The following HCN1 variants were observed in gnomAD, a reference collection of about 807,000 sequenced individuals.
HCN1 encodes the protein potassium/sodium hyperpolarization-activated cyclic nucleotide-gated channel 1.
Under a neutral mutation model 78.9 loss-of-function variants are expected in HCN1, and 13 were observed. The ratio of observed to expected loss-of-function variants is 0.16; its 90% CI spans 0.11 to 0.26. HCN1 has a LOEUF of 0.26. HCN1 is among the 10% of genes least tolerant of loss of function. The pLI is 1.00. For missense variants in HCN1, 810 were observed against 1,154.3 expected, an observed-to-expected ratio of 0.70 and a Z score of 4.32; for synonymous variants, 552 against 455.5, an observed-to-expected ratio of 1.21 and a Z score of -2.70.
chr5:45,573,511 C>A (rs557752976), intron 2 of HCN1, among the ~76,000 whole-genome samples: 26 of 152,110 alleles, frequency 1.7e-4, no homozygotes, highest in African/African-American at 5.8e-4. Context: ...GTAACACTAT[C>A]CTTTTCTTAC....
chr5:45,668,917 C>A (rs965874664), intron 1 of HCN1, among the ~76,000 whole-genome samples: 1 of 151,744 alleles, frequency 6.6e-6, no homozygotes, highest in South Asian at 2.1e-4. Context: ...AAAGCAAATT[C>A]TTTGGTGTTG....
At chr5:45,432,676 GA>G (rs1740486243) in intron 3 of HCN1, among the ~76,000 whole-genome samples, 1 of 152,088 alleles carries the variant, frequency 6.6e-6, no homozygotes, top group African/African-American at 2.4e-5. Flanking sequence ...CTAGTGTGTT[GA>G]GGGCTTTTCA....
chr5:45,642,848 A>G (rs1745480706), intron 2 of HCN1: 1 of 152,150 alleles, frequency 6.6e-6, no homozygotes, highest in Non-Finnish European at 1.5e-5. Flanking sequence ...TAAATTCTGG[A>G]TTATGACTCT....
chr5:45,432,298 G>A (rs993095105), intron 3 of HCN1, among the ~76,000 whole-genome samples: 1 of 152,136 alleles, frequency 6.6e-6, no homozygotes, highest in African/African-American at 2.4e-5. Context: ...CTGAAACTTT[G>A]CTGAAGTTGT....
At chr5:45,420,187 A>G (rs1009036135) in intron 3 of HCN1, among the ~76,000 whole-genome samples, 1 of 152,216 alleles carries the variant, frequency 6.6e-6, no homozygotes, top group Non-Finnish European at 1.5e-5. Flanking sequence ...CTCTAAATAT[A>G]GAAAACATGA....
At position 45,477,654 on chromosome 5, in the gene HCN1, T is replaced by G. The variant is rs577408886; in HGVS notation, c.850-15647A>C. ...TTCTTTGAAAAACAACAATAACATT[T>G]TAGTCAAACATATTTTAAGTTAAAT... On this transcript the variant is annotated intron_variant, in intron 2 of 7. Coordinates refer to ENST00000303230, the MANE Select transcript of HCN1 (RefSeq NM_021072.4). 2.9e-4 allele frequency among the ~76,000 whole-genome samples: 44 copies of G among 152,220 alleles called. No individual in the cohort carries two copies. The East Asian group carries it at 3.1e-3, about 11-fold the overall frequency.
chr5:45,306,770 C>T (rs189204114), intron 5 of HCN1, among the ~76,000 whole-genome samples: 1 of 152,068 alleles, frequency 6.6e-6, no homozygotes, highest in Admixed American at 6.6e-5. Flanking sequence ...TTACTTATGG[C>T]ACTTGTTATA....
chr5:45,479,184 G>A (rs2111670410), intron 2 of HCN1, among the ~76,000 whole-genome samples: 1 of 151,920 alleles, frequency 6.6e-6, no homozygotes, highest in East Asian at 1.9e-4. Flanking sequence ...GAGTCTGGCA[G>A]TGAGATGTCC....
intron 1 of HCN1, among the ~76,000 whole-genome samples, chr5:45,688,232 C>A (rs887236948): frequency 6.6e-6 from 1 of 152,104 alleles, no homozygotes; most frequent in East Asian, 1.9e-4. Flanking sequence ...CAATCCATCA[C>A]GTTTCCCAGA....
At chr5:45,496,562 A>AT (rs1235740843) in intron 2 of HCN1, among the ~76,000 whole-genome samples, 3 of 151,804 alleles carry the variant, frequency 2.0e-5, no homozygotes, top group East Asian at 1.9e-4. Flanking sequence ...CCCCTTTACC[A>AT]TTTTTTATTG....
intron 2 of HCN1, among the ~76,000 whole-genome samples, chr5:45,496,452 C>A (rs1044177899): frequency 1.3e-5 from 2 of 152,056 alleles, no homozygotes; most frequent in African/African-American, 4.8e-5. Flanking sequence ...GGTAGCAGTT[C>A]CTCCTTGTAC....
At chr5:45,462,947 T>C (rs1453191949) in intron 2 of HCN1, among the ~76,000 whole-genome samples, 2 of 152,004 alleles carry the variant, frequency 1.3e-5, no homozygotes, top group African/African-American at 4.8e-5. Context: ...CAAAACCCAC[T>C]TGGGAGCAGA....
chr5:45,671,842 TTGTTA>T (rs1023678251), intron 1 of HCN1, among the ~76,000 whole-genome samples: 3 of 151,624 alleles, frequency 2.0e-5, no homozygotes, highest in African/African-American at 7.2e-5. Flanking sequence ...AAATCTGTTA[TTGTTA>T]TATTTAAGGA....
At chr5:45,369,104 T>C (rs1025199837) in intron 4 of HCN1, among the ~76,000 whole-genome samples, 1 of 151,922 alleles carries the variant, frequency 6.6e-6, no homozygotes, top group African/African-American at 2.4e-5. Flanking sequence ...TGTGGCTTTT[T>C]TTTTTCACTG....
At chr5:45,400,354 A>T (rs1305332863) in intron 3 of HCN1, among the ~76,000 whole-genome samples, 1 of 149,598 alleles carries the variant, frequency 6.7e-6, no homozygotes, top group African/African-American at 2.5e-5. Flanking sequence ...CTGTGTATAC[A>T]TGCTCTTAAA....
chr5:45,485,873 G>A (rs1262626924), intron 2 of HCN1, among the ~76,000 whole-genome samples: 1 of 152,110 alleles, frequency 6.6e-6, no homozygotes, highest in Non-Finnish European at 1.5e-5. Flanking sequence ...TCAGAAGTAG[G>A]TTCAGGAAAT....
chr5:45,529,122 A>C (rs1019242892), intron 2 of HCN1, among the ~76,000 whole-genome samples: 1 of 152,042 alleles, frequency 6.6e-6, no homozygotes, highest in African/African-American at 2.4e-5. Context: ...TTCATTCAGC[A>C]TAAAGAAGAA....
At chr5:45,310,462 GA>G (rs1446613707) in intron 5 of HCN1, among the ~76,000 whole-genome samples, 1 of 152,086 alleles carries the variant, frequency 6.6e-6, no homozygotes, top group Non-Finnish European at 1.5e-5. Context: ...AAACCACAAT[GA>G]TATACCATCT....
intron 5 of HCN1, among the ~76,000 whole-genome samples, chr5:45,317,019 C>G (rs1252989789): frequency 6.6e-6 from 1 of 152,066 alleles, no homozygotes; most frequent in African/African-American, 2.4e-5. Context: ...AATGCCATCC[C>G]CATCAAGCTA....
Sources: allele counts gnomAD v4.1 joint callset (sites outside exome capture counted in the v4.1 genomes callset), GRCh38; gene constraint gnomAD v4.1.1; transcripts MANE v1.5; gene names NCBI Gene and HGNC (gene_info 2026-07-23, HGNC 2026-07-21).